CEP120: variants seen among roughly 807,000 people sequenced by gnomAD.
CEP120 encodes centrosomal protein of 120 kDa.
A neutral mutation model predicts 126.5 loss-of-function variants in CEP120; 113 were observed. The observed-to-expected ratio is 0.89, with a 90% confidence interval of 0.77 to 1.04. The LOEUF is 1.04. Ranked by LOEUF, CEP120 falls within the 50% of genes least tolerant of loss-of-function variation. CEP120 has a pLI of 0.00. For synonymous variants in CEP120, 400 were observed against 394.3 expected (o/e 1.01, Z -0.17); for missense variants, 1,230 against 1,155.7 (o/e 1.06, Z -0.93).
intron 14 of CEP120, among the ~76,000 whole-genome samples, chr5:123,380,751 G>T (rs964851670): frequency 2.6e-5 from 4 of 151,964 alleles, no homozygotes; most frequent in Non-Finnish European, 1.5e-5. Flanking sequence ...TGTCTTAAAG[G>T]CTAGGTTAAA....
At chr5:123,381,349 T>C (rs1771632535) in intron 14 of CEP120, among the ~76,000 whole-genome samples, 1 of 149,890 alleles carries the variant, frequency 6.7e-6, no homozygotes, top group South Asian at 2.1e-4. Flanking sequence ...GCAACTAGAG[T>C]TGATGAGAGG....
intron 18 of CEP120, 28 bp from the exon 19 acceptor site, chr5:123,350,117 ATCCTT>A: frequency 6.3e-7 from 1 of 1,576,042 alleles, no homozygotes; most frequent in Non-Finnish European, 8.6e-7. Context: ...AACAAGTCAT[ATCCTT>A]AATATTAGGA....
intron 1 of CEP120, among the ~76,000 whole-genome samples, chr5:123,421,376 C>T (rs1346444131): frequency 6.6e-6 from 1 of 152,148 alleles, no homozygotes; most frequent in Non-Finnish European, 1.5e-5. Flanking sequence ...CTGAGGCTCT[C>T]ACTTGAAACT....
chr5:123,374,412 A>G (rs1771061743), intron 16 of CEP120, among the ~76,000 whole-genome samples: 1 of 152,150 alleles, frequency 6.6e-6, no homozygotes, highest in Admixed American at 6.5e-5. Context: ...TTGACTAAAC[A>G]TTCAAATTTC....
rs1316386567 is a variant in CEP120 at position 123,345,584 on chromosome 5, C to G, written c.*935G>C. 1.3e-5 allele frequency: 2 copies of G among 152,078 alleles called. No individual in the cohort carries two copies. Among genetic ancestry groups the G allele is most frequent in the African/African-American group, 2.4e-5 (1 of 41,420 alleles). 9.4% of individuals were successfully genotyped at this position (152,078 alleles called of 1,614,324 possible). A position where few individuals can be genotyped will look rare whatever the true frequency, so the allele number is the denominator to read the frequency against. On this transcript the variant is annotated 3_prime_UTR_variant, in exon 20 of 20. Transcript: ENST00000306467. ...CTCTGAAGAATATGATATAAAGGAA[C>G]TCTTAAGAGTTTTTATACAGACAGG...
chr5:123,414,491 CT>C (rs1774258891), intron 3 of CEP120, among the ~76,000 whole-genome samples: 1 of 152,164 alleles, frequency 6.6e-6, no homozygotes, highest in Non-Finnish European at 1.5e-5. Context: ...ATAAGTTTTT[CT>C]TCACAGAATC....
intron 18 of CEP120, among the ~76,000 whole-genome samples, chr5:123,354,219 C>G (rs1172440571): frequency 1.3e-5 from 2 of 152,012 alleles, no homozygotes; most frequent in African/African-American, 4.8e-5. Flanking sequence ...GGGGACATTT[C>G]TTATTATCTT....
intron 4 of CEP120, among the ~76,000 whole-genome samples, chr5:123,404,825 T>C (rs978754735): frequency 6.6e-6 from 1 of 152,222 alleles, no homozygotes; most frequent in African/African-American, 2.4e-5. Flanking sequence ...TTGTATGATT[T>C]CAATTTCACT....
intron 18 of CEP120, among the ~76,000 whole-genome samples, chr5:123,363,223 G>T (rs894444105): frequency 1.3e-4 from 19 of 151,416 alleles, no homozygotes; most frequent in Non-Finnish European, 2.2e-4. Flanking sequence ...ATCTCCAGAG[G>T]TCTATCACAA....
intron 14 of CEP120, among the ~76,000 whole-genome samples, chr5:123,379,445 A>G (rs56899986): frequency 0.04 from 6,050 of 152,128 alleles, 406 homozygotes; most frequent in African/African-American, 0.14. Context: ...AAAATTTCTG[A>G]TATTTCTACC....
chr5:123,375,952 A>T (rs1011719728), intron 16 of CEP120, among the ~76,000 whole-genome samples: 2 of 151,204 alleles, frequency 1.3e-5, no homozygotes, highest in African/African-American at 4.9e-5. Context: ...CTACATTGGA[A>T]TTTTTCAAGA....
intron 18 of CEP120, among the ~76,000 whole-genome samples, chr5:123,351,816 T>C (rs1263484376): frequency 6.6e-6 from 1 of 151,766 alleles, no homozygotes; most frequent in Non-Finnish European, 1.5e-5. Context: ...TTTCCACTTG[T>C]GGTGTCCTGT....
At chr5:123,418,320 A>G in intron 2 of CEP120, 39 bp downstream of exon 2, 1 of 1,497,564 alleles carries the variant, frequency 6.7e-7, no homozygotes, top group Non-Finnish European at 9.0e-7. Context: ...CTGAAAAATA[A>G]GAAACCAATA....
Position 123,382,975 on chromosome 5 carries a change from A to G in CEP120, c.1860+11T>C. 1.3e-6 allele frequency: 2 copies of G among 1,597,754 alleles called. No individual in the cohort carries two copies. On this transcript the variant is annotated intron_variant, in intron 12 of 19. Coordinates refer to ENST00000306467, the MANE Select transcript of CEP120 (RefSeq NM_001375405.1). ...TTTAAAAAAAATTTGATAACATTCA[A>G]TTATATTTACCTGAGATGAATCAGA...
chr5:123,346,695 T>G lies in CEP120; in HGVS notation c.2785A>C (p.Lys929Gln), dbSNP rs1768847284. 14 of 1,613,314 alleles carry G rather than the reference T, an allele frequency of 8.7e-6. No individual in the cohort carries two copies. The highest frequency in any genetic ancestry group is 1.1e-5 in the Non-Finnish European group (13 of 1,179,862). ...QDSTEIASGK[K>Q]DGPHGSVLEE... ...AATACACTGCCATGGGGGCCATCCT[T>G]TTTTCCACTTGCAATCTCTGTGGAA... The change falls in exon 20 of 20, where the codon AAG becomes CAG. Residue 929 changes from lysine to glutamine, a missense_variant. Transcript: ENST00000306467.
intron 11 of CEP120, 74 bp from the exon 12 acceptor site, chr5:123,383,156 G>T: frequency 1.1e-6 from 1 of 904,566 alleles, no homozygotes; most frequent in Non-Finnish European, 1.7e-6. Context: ...TTTCCCCAGT[G>T]CTTTAGCAAT....
intron 17 of CEP120, among the ~76,000 whole-genome samples, chr5:123,368,649 C>T (rs542779804): frequency 6.6e-6 from 1 of 151,970 alleles, no homozygotes; most frequent in South Asian, 2.1e-4. Context: ...AGGGAGATGG[C>T]TGAGTTTAGT....
intron 4 of CEP120, among the ~76,000 whole-genome samples, chr5:123,410,148 A>G (rs1216685954): frequency 1.3e-5 from 2 of 152,134 alleles, no homozygotes; most frequent in Non-Finnish European, 2.9e-5. Flanking sequence ...AATCTAACAA[A>G]ATATGTAAGA....
At chr5:123,353,291 G>A (rs1758020142) in intron 18 of CEP120, among the ~76,000 whole-genome samples, 1 of 151,730 alleles carries the variant, frequency 6.6e-6, no homozygotes, top group African/African-American at 2.4e-5. Flanking sequence ...GTCTTAGTTT[G>A]TTAATGAATA....
Sources: gnomAD v4.1 joint callset for allele counts (sites outside exome capture counted in the v4.1 genomes callset) on GRCh38, gnomAD v4.1.1 for gene constraint, MANE v1.5 for transcripts, NCBI Gene and HGNC (gene_info 2026-07-23, HGNC 2026-07-21) for gene names.